The following PRKD1 variants were observed in gnomAD, a reference collection of about 807,000 sequenced individuals.
PRKD1 encodes protein kinase D1.
In PRKD1, 63 loss-of-function variants were observed where a neutral mutation model predicts 95.9. That is an observed-to-expected ratio of 0.66 (90% confidence interval 0.54 to 0.81). The LOEUF (loss-of-function observed/expected upper bound fraction) is 0.81. Ranked by LOEUF, PRKD1 falls within the 30% of genes least tolerant of loss-of-function variation. The pLI is 0.00. For missense variants in PRKD1, 1,048 were observed against 1,165.3 expected (o/e 0.90, Z 1.47); for synonymous variants, 425 against 423.1 (o/e 1.00, Z -0.05).
intron 1 of PRKD1, among the ~76,000 whole-genome samples, chr14:29,740,940 G>A (rs569235065): frequency 1.4e-4 from 22 of 152,256 alleles, no homozygotes; most frequent in Admixed American, 3.9e-4. Flanking sequence ...AAGAATGAGG[G>A]CATGTCTTTT....
chr14:29,679,728 T>TTC (rs1883428159), intron 2 of PRKD1, among the ~76,000 whole-genome samples: 1 of 148,008 alleles, frequency 6.8e-6, no homozygotes, highest in South Asian at 2.1e-4. Flanking sequence ...TACAAATCTT[T>TTC]TTTTTTTTTT....
chr14:29,594,211 T>C (rs1391047276), intron 16 of PRKD1: 5 of 435,732 alleles, frequency 1.1e-5, no homozygotes, highest in Non-Finnish European at 2.3e-5. Context: ...AATTTGTAAT[T>C]CTGACACATC....
chr14:29,769,890 AC>A (rs1888427011), intron 1 of PRKD1, among the ~76,000 whole-genome samples: 1 of 152,208 alleles, frequency 6.6e-6, no homozygotes, highest in Non-Finnish European at 1.5e-5. Flanking sequence ...TATGATCTAA[AC>A]GTCTATGTAC....
chr14:29,883,442 T>C (rs1238969743), intron 1 of PRKD1, among the ~76,000 whole-genome samples: 2 of 152,236 alleles, frequency 1.3e-5, no homozygotes, highest in Non-Finnish European at 2.9e-5. Context: ...CATGTGTATA[T>C]TTATTGCATT....
intron 16 of PRKD1, among the ~76,000 whole-genome samples, chr14:29,588,665 C>T (rs1440097695): frequency 1.3e-5 from 2 of 152,052 alleles, no homozygotes; most frequent in Non-Finnish European, 1.5e-5. Flanking sequence ...GGAAGAAACT[C>T]GCGTCACTGG....
chr14:29,629,402 G>C (rs1399554084), intron 10 of PRKD1, among the ~76,000 whole-genome samples: 1 of 152,202 alleles, frequency 6.6e-6, no homozygotes, highest in African/African-American at 2.4e-5. Flanking sequence ...TCGCTCGAGA[G>C]ACACTGATTT....
chr14:29,631,395 T>G (rs1263343069), intron 9 of PRKD1, among the ~76,000 whole-genome samples: 1 of 152,206 alleles, frequency 6.6e-6, no homozygotes, highest in Non-Finnish European at 1.5e-5. Flanking sequence ...ATGGCTATTT[T>G]TAAATTTTAA....
chr14:29,655,839 G>T (rs1163761274), intron 4 of PRKD1, among the ~76,000 whole-genome samples: 2 of 151,508 alleles, frequency 1.3e-5, no homozygotes, highest in Non-Finnish European at 2.9e-5. Context: ...CAAAAGGATG[G>T]AAAGATCCTT....
At chr14:29,923,800 C>T (rs897748733) in intron 1 of PRKD1, among the ~76,000 whole-genome samples, 1 of 140,400 alleles carries the variant, frequency 7.1e-6, no homozygotes, top group African/African-American at 2.7e-5. Context: ...AGTAACACAG[C>T]TCATTTGAGG....
chr14:29,747,997 G>T (rs1465005661), intron 1 of PRKD1, among the ~76,000 whole-genome samples: 1 of 152,042 alleles, frequency 6.6e-6, no homozygotes, highest in Non-Finnish European at 1.5e-5. Flanking sequence ...TCCCACCTCC[G>T]CCTCCCAAAG....
intron 1 of PRKD1, among the ~76,000 whole-genome samples, chr14:29,817,112 A>T (rs1890723521): frequency 6.6e-6 from 1 of 152,156 alleles, no homozygotes; most frequent in South Asian, 2.1e-4. Context: ...GTCATCTTTG[A>T]AAGTATGTTT....
intron 1 of PRKD1, among the ~76,000 whole-genome samples, chr14:29,854,117 T>C (rs1162028115): frequency 6.6e-6 from 1 of 152,082 alleles, no homozygotes; most frequent in East Asian, 1.9e-4. Context: ...AACAGACTAA[T>C]AAAGTAAATT....
intron 1 of PRKD1, among the ~76,000 whole-genome samples, chr14:29,919,117 A>G (rs527475742): frequency 1.3e-5 from 2 of 152,340 alleles, no homozygotes; most frequent in African/African-American, 4.8e-5. Context: ...ATGCCAATGA[A>G]CTAGTGAAGG....
At chr14:29,621,679 A>C (rs904283116) in intron 13 of PRKD1, among the ~76,000 whole-genome samples, 6 of 152,206 alleles carry the variant, frequency 3.9e-5, no homozygotes, top group African/African-American at 1.2e-4. Context: ...AGCATAGCTG[A>C]GTGATATAAT....
chr14:29,848,381 ACAC>A (rs1227111238), intron 1 of PRKD1, among the ~76,000 whole-genome samples: 1 of 152,038 alleles, frequency 6.6e-6, no homozygotes, highest in African/African-American at 2.4e-5. Flanking sequence ...CCACACACAC[ACAC>A]TTTATTTTTC....
At position 29,578,353 on chromosome 14, in the gene PRKD1, A is replaced by C; in HGVS notation, c.2442T>G (p.Asp814Glu). The C allele has an allele frequency of 6.2e-7, 1 of 1,608,782 alleles. No homozygotes were observed. The highest frequency in any genetic ancestry group is 8.5e-7 in the Non-Finnish European group (1 of 1,177,538). Residue 814 changes from aspartate (D) to glutamate (E), a missense_variant, in exon 17 of 18, where the codon GAT becomes GAG. Around this residue, in one of 3 missense-constraint regions of PRKD1, gnomAD observed 739 missense variants for 861.9 expected, o/e 0.86. Transcript: ENST00000331968. ...PWKEISHEAI[D>E]LINNLLQVKM... The stretch of plus-strand genomic sequence containing the variant: ...TTACTTGCAGCAAATTGTTGATAAG[A>C]TCAATGGCTGAAAAAAATTACCAGT...
chr14:29,658,634 A>G (rs879856141), intron 4 of PRKD1, among the ~76,000 whole-genome samples: 4 of 152,208 alleles, frequency 2.6e-5, no homozygotes, highest in Admixed American at 6.5e-5. Context: ...GACCTGTTTC[A>G]TTGGTAGTTG....
At chr14:29,859,843 C>A (rs987911172) in intron 1 of PRKD1, among the ~76,000 whole-genome samples, 2 of 152,020 alleles carry the variant, frequency 1.3e-5, no homozygotes, top group Non-Finnish European at 2.9e-5. Flanking sequence ...AGACAATACT[C>A]AGGAAATAAT....
chr14:29,914,777 C>CT (rs112898460), intron 1 of PRKD1, among the ~76,000 whole-genome samples: 2,818 of 144,230 alleles, frequency 0.02, 50 homozygotes, highest in African/African-American at 0.052. Context: ...CTTTTCTTTT[C>CT]TTTTTTTTTT....
Sources: allele counts gnomAD v4.1 joint callset (sites outside exome capture counted in the v4.1 genomes callset), GRCh38; gene constraint gnomAD v4.1.1; regional missense constraint gnomAD v4.1.1; transcripts MANE v1.5; gene names NCBI Gene and HGNC (gene_info 2026-07-23, HGNC 2026-07-21).